CCSER1: variants seen among roughly 807,000 people sequenced by gnomAD.
The protein encoded by CCSER1 is coiled-coil serine rich protein 1, also known as serine-rich coiled-coil domain-containing protein 1.
In CCSER1, 41 loss-of-function variants were observed where a neutral mutation model predicts 82.0. The observed-to-expected ratio is 0.50, with a 90% CI of 0.39 to 0.65. The LOEUF is 0.65. Among genes scored for constraint, CCSER1 ranks in the 30% least tolerant of loss-of-function variants. The pLI is 0.00. For missense variants in CCSER1, 1,119 were observed against 1,064.2 expected (o/e 1.05, Z -0.72); for synonymous variants, 414 against 383.9 (o/e 1.08, Z -0.92).
rs1211552668 is a variant in CCSER1 at position 90,909,106 on chromosome 4, C to CTTG, written c.2095-14262_2095-14260dup. 4.0e-5 allele frequency among the ~76,000 whole-genome samples: 6 copies of CTTG among 151,494 alleles called. No individual in the cohort carries two copies. The East Asian group carries it at 9.8e-4, about 25-fold the overall frequency. ...GCTGGCAATTTTTGAAGTTGCTTGG[C>CTTG]TTGTAGATGGATCTACACTTTCTAG... On this transcript the variant is annotated intron_variant, in intron 8 of 10. Coordinates refer to ENST00000509176, the MANE Select transcript of CCSER1 (RefSeq NM_001145065.2).
At chr4:91,498,704 A>G (rs1250795924) in intron 10 of CCSER1, among the ~76,000 whole-genome samples, 1 of 151,860 alleles carries the variant, frequency 6.6e-6, no homozygotes, top group Non-Finnish European at 1.5e-5. Context: ...TTGATGGCAC[A>G]TGGCACACTA....
chr4:91,517,169 C>T (rs1332628566), intron 10 of CCSER1, among the ~76,000 whole-genome samples: 6 of 152,176 alleles, frequency 3.9e-5, no homozygotes, highest in Middle Eastern at 3.4e-3. Flanking sequence ...TTCTTCTTTT[C>T]CTATTTGGAT....
At position 91,553,316 on chromosome 4, in the gene CCSER1, AT is replaced by A. The variant is rs533296113; in HGVS notation, c.2218-45251del. On this transcript the variant is annotated intron_variant, in intron 10 of 10. Transcript: ENST00000509176. ...CTACTTGCCAGTATTTTATTGAAGG[AT>A]TTTTGCATCTATGTTCATCAAGGTT... is the stretch of plus-strand genomic sequence containing the variant. 3.0e-4 allele frequency among the ~76,000 whole-genome samples: 45 copies of A among 151,246 alleles called. No individual in the cohort carries two copies. In the East Asian group the frequency reaches 8.3e-3, roughly 28 times the overall value.
intron 8 of CCSER1, among the ~76,000 whole-genome samples, chr4:90,883,069 A>G (rs1001175472): frequency 6.6e-6 from 1 of 152,046 alleles, no homozygotes; most frequent in African/African-American, 2.4e-5. Flanking sequence ...TAACCTTTCT[A>G]TCAACACACA....
intron 7 of CCSER1, among the ~76,000 whole-genome samples, chr4:90,739,936 C>G (rs1189695757): frequency 6.6e-6 from 1 of 152,162 alleles, no homozygotes; most frequent in East Asian, 1.9e-4. Flanking sequence ...ACTGTAATTA[C>G]TTACATGAGT....
At chr4:90,850,740 G>A (rs1763780859) in intron 8 of CCSER1, among the ~76,000 whole-genome samples, 1 of 152,210 alleles carries the variant, frequency 6.6e-6, no homozygotes, top group Non-Finnish European at 1.5e-5. Context: ...GAAAGGACTT[G>A]CCTTATCTCA....
At chr4:91,307,214 T>C (rs1212124389) in intron 10 of CCSER1, among the ~76,000 whole-genome samples, 1 of 151,876 alleles carries the variant, frequency 6.6e-6, no homozygotes, top group African/African-American at 2.4e-5. Context: ...TATATCCCCA[T>C]ATAACCTCTC....
intron 10 of CCSER1, among the ~76,000 whole-genome samples, chr4:91,165,043 T>C (rs1413010913): frequency 6.6e-6 from 1 of 152,204 alleles, no homozygotes; most frequent in Admixed American, 6.5e-5. Context: ...GCTTTTCTGC[T>C]CTGGTTTCTC....
chr4:91,304,520 T>A (rs1462409299), intron 10 of CCSER1, among the ~76,000 whole-genome samples: 2 of 152,080 alleles, frequency 1.3e-5, no homozygotes, highest in Non-Finnish European at 2.9e-5. Flanking sequence ...CAAAAATATC[T>A]TACCTTAGCG....
chr4:91,263,347 C>T (rs1741336010), intron 10 of CCSER1, among the ~76,000 whole-genome samples: 1 of 152,044 alleles, frequency 6.6e-6, no homozygotes, highest in South Asian at 2.1e-4. Flanking sequence ...ACATTCTGCA[C>T]TTAAATTTTT....
At chr4:90,201,969 A>G (rs1056805063) in intron 1 of CCSER1, among the ~76,000 whole-genome samples, 3 of 152,186 alleles carry the variant, frequency 2.0e-5, no homozygotes, top group African/African-American at 7.2e-5. Flanking sequence ...TAAGGAGTGT[A>G]TAGTACCCAA....
At chr4:90,513,826 A>G (rs1771882978) in intron 5 of CCSER1, among the ~76,000 whole-genome samples, 1 of 152,194 alleles carries the variant, frequency 6.6e-6, no homozygotes, top group Admixed American at 6.5e-5. Context: ...ATGGACAACT[A>G]CAAAGATGAG....
intron 10 of CCSER1, among the ~76,000 whole-genome samples, chr4:91,118,515 T>C (rs929943025): frequency 2.0e-5 from 3 of 152,124 alleles, no homozygotes; most frequent in South Asian, 2.1e-4. Flanking sequence ...GCTCAAGCAT[T>C]CCTCCTGCCC....
At chr4:91,594,434 T>TAC (rs759084782) in intron 10 of CCSER1, among the ~76,000 whole-genome samples, 1 of 148,382 alleles carries the variant, frequency 6.7e-6, no homozygotes, top group African/African-American at 2.5e-5. Context: ...TATATACATA[T>TAC]ACACACATAT....
At chr4:90,715,313 C>G (rs1374934964) in intron 6 of CCSER1, among the ~76,000 whole-genome samples, 1 of 151,968 alleles carries the variant, frequency 6.6e-6, no homozygotes, top group African/African-American at 2.4e-5. Context: ...ATTTCTGAAC[C>G]TTCCAAACTA....
chr4:91,580,823 T>A (rs899353415), intron 10 of CCSER1, among the ~76,000 whole-genome samples: 3 of 151,688 alleles, frequency 2.0e-5, no homozygotes, highest in African/African-American at 7.2e-5. Flanking sequence ...AGATGCTTCA[T>A]TTTTATTTTT....
intron 10 of CCSER1, among the ~76,000 whole-genome samples, chr4:91,134,357 C>A (rs13114058): frequency 0.36 from 54,199 of 151,450 alleles, 10,928 homozygotes; most frequent in Non-Finnish European, 0.46. Flanking sequence ...GATCATGCCA[C>A]TCACACCACT....
intron 10 of CCSER1, among the ~76,000 whole-genome samples, chr4:91,243,716 A>G (rs1739553759): frequency 6.6e-6 from 1 of 152,164 alleles, no homozygotes; most frequent in Non-Finnish European, 1.5e-5. Context: ...TCCAGGATTC[A>G]TCATATACTG....
chr4:90,497,391 A>G (rs909098525), intron 5 of CCSER1, among the ~76,000 whole-genome samples: 3 of 152,238 alleles, frequency 2.0e-5, no homozygotes, highest in African/African-American at 7.2e-5. Flanking sequence ...AAAGCAAGCC[A>G]GAACCATTCA....
Sources: allele counts gnomAD v4.1 joint callset (sites outside exome capture counted in the v4.1 genomes callset), GRCh38; gene constraint gnomAD v4.1.1; transcripts MANE v1.5; gene names NCBI Gene and HGNC (gene_info 2026-07-23, HGNC 2026-07-21).